CDK19: variants seen among roughly 807,000 people sequenced by gnomAD.
CDK19 encodes cyclin-dependent kinase 19.
CDK19 carries 20 observed loss-of-function variants against 68.3 expected under a neutral mutation model. The observed-to-expected ratio is 0.29, with a 90% CI of 0.21 to 0.43. The LOEUF is 0.43. Ranked by LOEUF, CDK19 falls within the 20% of genes least tolerant of loss-of-function variation. The probability of loss-of-function intolerance (pLI) is 1.00; values close to 1 mark genes in which losing one functional copy is unlikely to be tolerated. For synonymous variants in CDK19, 221 were observed against 222.8 expected (o/e 0.99, Z 0.07); for missense variants, 339 against 623.5 (o/e 0.54, Z 4.86).
At chr6:110,814,139 GT>G (rs1252220673) in intron 1 of CDK19, 6 of 175,668 alleles carry the variant, frequency 3.4e-5, no homozygotes, top group Admixed American at 1.2e-4. Context: ...GAAAACAAAG[GT>G]TCAGGCCCAG....
chr6:110,662,667 T>G (rs79601209), intron 4 of CDK19, among the ~76,000 whole-genome samples: 1 of 152,310 alleles, frequency 6.6e-6, no homozygotes, highest in East Asian at 1.9e-4. Context: ...ATAAACTATA[T>G]CTTGGCATTC....
chr6:110,700,563 T>C (rs914500057), intron 2 of CDK19: 7 of 152,296 alleles, frequency 4.6e-5, no homozygotes, highest in Admixed American at 3.3e-4. Flanking sequence ...GCCACATCCA[T>C]GGCCTTTAAA....
At chr6:110,647,169 C>T (rs555845647) in intron 4 of CDK19, among the ~76,000 whole-genome samples, 4 of 152,268 alleles carry the variant, frequency 2.6e-5, no homozygotes, top group African/African-American at 7.2e-5. Context: ...TACGAGGTAG[C>T]GCACCGTCCA....
At chr6:110,736,761 C>T (rs1777279796) in intron 2 of CDK19, among the ~76,000 whole-genome samples, 1 of 152,162 alleles carries the variant, frequency 6.6e-6, no homozygotes, top group Non-Finnish European at 1.5e-5. Flanking sequence ...CAAAAACCAG[C>T]ACCATTTACT....
rs1033870554 is a variant in CDK19, at chr6:110,734,726, G to A, written c.204+11400C>T. ...GAGCTGGATGCTTCTCCAGCACACT[G>A]TGCTTAACTTTGTCACAGTCTTGAT... is the stretch of plus-strand genomic sequence containing the variant. On this transcript the variant is annotated intron_variant, in intron 2 of 12. Coordinates refer to ENST00000368911, the MANE Select transcript of CDK19 (RefSeq NM_015076.5). Among the ~76,000 whole-genome samples the A allele has an allele frequency of 2.6e-5, 4 of 152,002 alleles. No individual in the cohort carries two copies. In the Admixed American group the frequency reaches 2.6e-4, roughly 10 times the overall value.
Position 110,621,299 on chromosome 6 carries a change from C to G in CDK19, c.1182G>C (p.Gln394His). The change falls in exon 12 of 13, where the codon CAG becomes CAC. Residue 394 changes from glutamine to histidine, a missense_variant. Gln to His is a conservative substitution (Grantham distance 24). This residue lies in a region of CDK19 where 155 missense variants were observed against 222.7 expected (regional missense o/e 0.70). Coordinates refer to ENST00000368911, the MANE Select transcript of CDK19 (RefSeq NM_015076.5). This position sits in a 1 kb window ranked among gnomAD's most constrained non-coding sequence, Gnocchi z 5.4. The part of the protein sequence containing the change: ...APPQQAAAPP[Q>H]APPPQQNSTQ... ...TGCTGTTCTGCTGTGGTGGGGGCGC[C>G]TGTGGAGGGGCTGCTGCCTGCTGTG... 1.2e-6 allele frequency: 2 copies of G among 1,609,104 alleles called. No individual in the cohort carries two copies. The highest frequency in any genetic ancestry group is 1.7e-6 in the Non-Finnish European group (2 of 1,177,130).
intron 1 of CDK19, among the ~76,000 whole-genome samples, chr6:110,782,182 A>G (rs1469271557): frequency 6.6e-6 from 1 of 152,198 alleles, no homozygotes; most frequent in Non-Finnish European, 1.5e-5. Context: ...GGAGGAAAAT[A>G]AGAACAAAAG....
chr6:110,667,719 T>C (rs1782031389), intron 3 of CDK19, 145 bp from the exon 4 acceptor site: 1 of 465,784 alleles, frequency 2.1e-6, no homozygotes, highest in Non-Finnish European at 3.6e-6. Context: ...ATTTGAGTAA[T>C]AAGTTCAACC....
rs979782831 is a variant in CDK19 at position 110,653,179 on chromosome 6, T to C, written c.456+14255A>G. 2.6e-5 allele frequency among the ~76,000 whole-genome samples: 4 copies of C among 152,170 alleles called. No individual in the cohort carries two copies. The East Asian group carries it at 7.7e-4, about 29-fold the overall frequency. On this transcript the variant is annotated intron_variant, in intron 4 of 12. Transcript: ENST00000368911. ...AAAGTGTGTTTAATTTTTCAAAGCA[T>C]TTCACATCCATCATTTCATCTTTCT... is the stretch of plus-strand genomic sequence containing the variant.
intron 4 of CDK19, among the ~76,000 whole-genome samples, chr6:110,658,780 T>C (rs1781450822): frequency 6.6e-6 from 1 of 152,034 alleles, no homozygotes; most frequent in African/African-American, 2.4e-5. Flanking sequence ...CTGAAGGGGC[T>C]AGGAAGAGTA....
At chr6:110,788,753 T>C (rs971947188) in intron 1 of CDK19, among the ~76,000 whole-genome samples, 1 of 152,218 alleles carries the variant, frequency 6.6e-6, no homozygotes, top group Admixed American at 6.5e-5. Flanking sequence ...TTTTTCTTTT[T>C]TTTTATGATC....
At chr6:110,743,327 T>C (rs973571926) in intron 2 of CDK19, among the ~76,000 whole-genome samples, 3 of 152,152 alleles carry the variant, frequency 2.0e-5, no homozygotes, top group South Asian at 4.1e-4. Context: ...AAAGTTCTAT[T>C]AGGCAAACTC....
chr6:110,647,759 A>G (rs1380219569), intron 4 of CDK19, among the ~76,000 whole-genome samples: 1 of 152,226 alleles, frequency 6.6e-6, no homozygotes, highest in Non-Finnish European at 1.5e-5. Flanking sequence ...CAAATAACAG[A>G]AAAAGATTAA....
chr6:110,750,454 G>GC lies in CDK19; in HGVS notation c.129-4254_129-4253insG, dbSNP rs544626909. Among the ~76,000 whole-genome samples the GC allele has an allele frequency of 9.2e-5, 14 of 152,308 alleles. No homozygotes were observed. The South Asian group carries it at 2.9e-3, about 32-fold the overall frequency. ...TGATAGTCATTTTAAAGGAGGAATT[G>GC]ATGGGACCAAATGAACAGAAAAGAT... is the stretch of plus-strand genomic sequence containing the variant. On this transcript the variant is annotated intron_variant, in intron 1 of 12. Coordinates refer to ENST00000368911, the MANE Select transcript of CDK19 (RefSeq NM_015076.5).
intron 2 of CDK19, among the ~76,000 whole-genome samples, chr6:110,683,174 CAAAAAAAA>C (rs58912406): frequency 2.0e-5 from 1 of 49,578 alleles, no homozygotes; most frequent in South Asian, 7.7e-4. Context: ...AGACTGTCTC[CAAAAAAAA>C]AAAAAAAAAA....
chr6:110,795,001 A>G (rs1287440978), intron 1 of CDK19, among the ~76,000 whole-genome samples: 1 of 152,142 alleles, frequency 6.6e-6, no homozygotes, highest in Non-Finnish European at 1.5e-5. Flanking sequence ...ACAGGGTCTC[A>G]GTCTGTCGCC....
chr6:110,721,701 C>G (rs181882910), intron 2 of CDK19, among the ~76,000 whole-genome samples: 179 of 152,230 alleles, frequency 1.2e-3, no homozygotes, highest in Middle Eastern at 3.4e-3. Flanking sequence ...CATGGCAGCT[C>G]ACGCCTGTAA....
intron 1 of CDK19, among the ~76,000 whole-genome samples, chr6:110,784,009 A>G (rs977525919): frequency 6.6e-6 from 1 of 151,806 alleles, no homozygotes; most frequent in Non-Finnish European, 1.5e-5. Context: ...AAAATACAAA[A>G]ATTAGCCGGC....
intron 3 of CDK19, among the ~76,000 whole-genome samples, chr6:110,669,127 T>C (rs1236917851): frequency 1.3e-5 from 2 of 151,976 alleles, no homozygotes; most frequent in East Asian, 1.9e-4. Context: ...TAGGGGAATA[T>C]AGAAAAATGG....
Sources: allele counts gnomAD v4.1 joint callset (sites outside exome capture counted in the v4.1 genomes callset), GRCh38; gene constraint gnomAD v4.1.1; regional missense constraint gnomAD v4.1.1; non-coding constraint Gnocchi (gnomAD v3.1); transcripts MANE v1.5; gene names NCBI Gene and HGNC (gene_info 2026-07-23, HGNC 2026-07-21).